Variants in SLC45A4 observed in about 807,000 individuals in gnomAD.
SLC45A4 encodes polyamine-transporter SLC45A4.
A neutral mutation model predicts 63.7 loss-of-function variants in SLC45A4; 32 were observed. The ratio of observed to expected loss-of-function variants is 0.50; its 90% CI spans 0.38 to 0.67. SLC45A4 has a LOEUF of 0.67. Among genes scored for constraint, SLC45A4 ranks in the 30% least tolerant of loss-of-function variants. The pLI is 0.00. For synonymous variants in SLC45A4, 535 were observed against 510.0 expected (o/e 1.05, Z -0.66); for missense variants, 1,027 against 1,157.7 (o/e 0.89, Z 1.64).
At chr8:141,258,259 G>A (rs934234674) in intron 1 of SLC45A4, among the ~76,000 whole-genome samples, 6 of 151,972 alleles carry the variant, frequency 3.9e-5, no homozygotes, top group African/African-American at 1.5e-4. Flanking sequence ...AGCCCTGCTT[G>A]GCTCCCACAC....
intron 1 of SLC45A4, among the ~76,000 whole-genome samples, chr8:141,293,481 C>T (rs549298512): frequency 2.4e-4 from 37 of 151,756 alleles, no homozygotes; most frequent in Non-Finnish European, 5.0e-4. Context: ...ATAAAATGCA[C>T]GGCAATGGCA....
At chr8:141,298,775 C>T (rs901013574) in intron 1 of SLC45A4, among the ~76,000 whole-genome samples, 16 of 152,168 alleles carry the variant, frequency 1.1e-4, no homozygotes, top group African/African-American at 3.1e-4. Flanking sequence ...GCAGGGCTGG[C>T]CACAGAGCCC....
In SLC45A4 at chr8:141,215,862, T is replaced by A; in HGVS notation, c.1838A>T (p.Asn613Ile). ...GATGGTGACCATGGCGACGTAGACGTTGGGAAACATGGCCATCACGGCTGT... is the reference window on the plus strand; with the variant it reads ...GATGGTGACCATGGCGACGTAGACGATGGGAAACATGGCCATCACGGCTGT... ...VGTAVMAMFP[N>I]VYVAMVTIST... Residue 613 changes from asparagine to isoleucine, a missense_variant, in exon 7 of 9, where the codon AAC becomes ATC. Physicochemically the swap from Asn to Ile is moderately radical, Grantham distance 149. Transcript: ENST00000517878. The surrounding 1 kb of genome is among the most constrained non-coding windows in gnomAD (Gnocchi z 4.3). 1 of 1,614,132 alleles carries A rather than the reference T, an allele frequency of 6.2e-7. No individual in the cohort carries two copies.
chr8:141,252,832 T>C (rs1828553531), intron 2 of SLC45A4, among the ~76,000 whole-genome samples: 1 of 151,696 alleles, frequency 6.6e-6, no homozygotes, highest in Non-Finnish European at 1.5e-5. Flanking sequence ...TGTCTGTGAA[T>C]TTCCGTGTTT....
chr8:141,291,334 C>T (rs1022148970), intron 1 of SLC45A4, among the ~76,000 whole-genome samples: 3 of 152,220 alleles, frequency 2.0e-5, no homozygotes, highest in Non-Finnish European at 4.4e-5. Flanking sequence ...GGGACACACA[C>T]GCGTTCATCT....
rs1208665759 is a variant in SLC45A4 at position 141,278,956 on chromosome 8, A to G, written c.-400-24327T>C. On this transcript the variant is annotated intron_variant, in intron 1 of 8. Transcript: ENST00000517878. The surrounding 1 kb of genome is among the most constrained non-coding windows in gnomAD (Gnocchi z 4.1). ...TGCTCTGTCCCCTTCAAGGCCAGAC[A>G]AGCAAAGCCCCAGCCCCCACCTTGG... is the stretch of plus-strand genomic sequence containing the variant. Among the ~76,000 whole-genome samples, 1 of 152,178 alleles carries G rather than the reference A, an allele frequency of 6.6e-6. No homozygotes were observed. Among genetic ancestry groups the G allele is most frequent in the East Asian group, 1.9e-4 (1 of 5,188 alleles).
chr8:141,265,417 G>A (rs990998102), intron 1 of SLC45A4, among the ~76,000 whole-genome samples: 3 of 152,206 alleles, frequency 2.0e-5, no homozygotes, highest in African/African-American at 7.2e-5. Flanking sequence ...GCCAGCGCGG[G>A]GCGTGTTCTC....
In SLC45A4 at chr8:141,240,901, C is replaced by T. The variant is rs187783229; in HGVS notation, c.241+13088G>A. 2.0e-5 allele frequency among the ~76,000 whole-genome samples: 3 copies of T among 152,360 alleles called. No individual in the cohort carries two copies. The East Asian group carries it at 5.8e-4, about 29-fold the overall frequency. ...GACGCTTCCCAGACAAAGCCCTCCT[C>T]TCCCCTCCAGACCGTCCTGTGAGGG... On this transcript the variant is annotated intron_variant, in intron 2 of 8. Coordinates refer to ENST00000517878, the MANE Select transcript of SLC45A4 (RefSeq NM_001286646.2).
intron 1 of SLC45A4, among the ~76,000 whole-genome samples, chr8:141,284,177 C>T (rs1830058796): frequency 6.6e-6 from 1 of 152,218 alleles, no homozygotes; most frequent in Non-Finnish European, 1.5e-5. Flanking sequence ...ATCAATCGTT[C>T]ATCTAGGTCA....
chr8:141,228,461 C>G (rs972843080), intron 2 of SLC45A4: 19 of 1,369,686 alleles, frequency 1.4e-5, no homozygotes, highest in South Asian at 4.9e-5. Flanking sequence ...CAGGGCCGAC[C>G]CTGTGTCCAG....
rs1473030082 is a variant in SLC45A4 at position 141,215,340 on chromosome 8, T to C, written c.1941+419A>G. ...TACACCAGGTTGAATAAATATGCTA[T>C]GAAAATGGCCTTCACTGGCCTTTTC... On this transcript the variant is annotated intron_variant, in intron 7 of 8. Transcript: ENST00000517878. This position sits in a 1 kb window ranked among gnomAD's most constrained non-coding sequence, Gnocchi z 4.3. Among the ~76,000 whole-genome samples the C allele has an allele frequency of 6.6e-6, 1 of 152,212 alleles. No homozygotes were observed. Among genetic ancestry groups the C allele is most frequent in the African/African-American group, 2.4e-5 (1 of 41,456 alleles).
At chr8:141,271,107 C>G (rs940373722) in intron 1 of SLC45A4, among the ~76,000 whole-genome samples, 1 of 152,254 alleles carries the variant, frequency 6.6e-6, no homozygotes, top group Non-Finnish European at 1.5e-5. Flanking sequence ...TGAGCCAGAA[C>G]GCTTGCCCGC....
chr8:141,216,334 T>G (rs1396437966), intron 6 of SLC45A4, among the ~76,000 whole-genome samples: 1 of 152,232 alleles, frequency 6.6e-6, no homozygotes, highest in East Asian at 1.9e-4. Context: ...CTGATGTGGG[T>G]AGCAGTGGAC....
At chr8:141,241,914 G>A (rs184665452) in intron 2 of SLC45A4, among the ~76,000 whole-genome samples, 8 of 152,372 alleles carry the variant, frequency 5.3e-5, no homozygotes, top group Admixed American at 4.6e-4. Flanking sequence ...CCGGGACACA[G>A]ATGGCAGCTG....
At chr8:141,273,984 C>T (rs1004892637) in intron 1 of SLC45A4, among the ~76,000 whole-genome samples, 16 of 152,210 alleles carry the variant, frequency 1.1e-4, no homozygotes, top group African/African-American at 3.4e-4. Flanking sequence ...AATCCCAGCA[C>T]TTTGGGAGGC....
rs1825585277 is a variant in SLC45A4 at position 141,207,588 on chromosome 8, T to C, written c.*3984A>G. 6.6e-6 allele frequency: 1 copy of C among 152,250 alleles called. No individual in the cohort carries two copies. The highest frequency in any genetic ancestry group is 1.5e-5 in the Non-Finnish European group (1 of 68,042). The allele number at this position is 152,250 out of a possible 1,614,324, so 9.4% of individuals were successfully genotyped here. On this transcript the variant is annotated 3_prime_UTR_variant, in exon 9 of 9. Transcript: ENST00000517878. ...TTCACAATGGAACTAAATAGTTTCG[T>C]TCCGAGATGCCTGGGGAGTTTCTCT...
At chr8:141,233,748 A>G (rs1038639351) in intron 2 of SLC45A4, among the ~76,000 whole-genome samples, 19 of 152,298 alleles carry the variant, frequency 1.2e-4, no homozygotes, top group Admixed American at 9.2e-4. Flanking sequence ...CCTTTATGAC[A>G]CTTCTGCCCA....
Position 141,211,336 on chromosome 8 carries a change from GAC to G in SLC45A4, c.*234_*235del, listed in dbSNP as rs1479351871. 21 of 1,328,526 alleles carry G rather than the reference GAC, an allele frequency of 1.6e-5. No homozygotes were observed. The highest frequency in any genetic ancestry group is 2.7e-5 in the Admixed American group (1 of 37,092). 82.3% of individuals were successfully genotyped at this position (1,328,526 alleles called of 1,614,324 possible). A position where few individuals can be genotyped will look rare whatever the true frequency, so the allele number is the denominator to read the frequency against. On this transcript the variant is annotated 3_prime_UTR_variant, in exon 9 of 9. Coordinates refer to ENST00000517878, the MANE Select transcript of SLC45A4 (RefSeq NM_001286646.2). Reference sequence around the variant, plus strand: ...GAGCGGGGTCACATGGCTGGGCGCAGACACACTCACACGCGCACGCAGGAGCT... The same window carrying G: ...GAGCGGGGTCACATGGCTGGGCGCAGACACTCACACGCGCACGCAGGAGCT...
chr8:141,228,640 A>C, intron 2 of SLC45A4: 1 of 1,066,562 alleles, frequency 9.4e-7, no homozygotes, highest in Middle Eastern at 4.4e-4. Flanking sequence ...TTGTGATGAC[A>C]CAGTGATGTT....
Sources: allele counts gnomAD v4.1 joint callset (sites outside exome capture counted in the v4.1 genomes callset), GRCh38; gene constraint gnomAD v4.1.1; non-coding constraint Gnocchi (gnomAD v3.1); transcripts MANE v1.5; gene names NCBI Gene and HGNC (gene_info 2026-07-23, HGNC 2026-07-21).